Variants in CPQ observed in about 807,000 individuals in gnomAD.
CPQ encodes the protein carboxypeptidase Q, also known as Ser-Met dipeptidase.
Under a neutral mutation model 45.7 loss-of-function variants are expected in CPQ, and 37 were observed. The ratio of observed to expected loss-of-function variants is 0.81; its 90% CI spans 0.62 to 1.07. The LOEUF is 1.07. CPQ is among the 50% of genes least tolerant of loss of function. The pLI is 0.00. For synonymous variants in CPQ, 186 were observed against 205.8 expected, an observed-to-expected ratio of 0.90 and a Z score of 0.82; for missense variants, 537 against 572.9, an observed-to-expected ratio of 0.94 and a Z score of 0.64.
At chr8:97,024,654 A>C (rs1809767863) in intron 5 of CPQ, among the ~76,000 whole-genome samples, 1 of 152,156 alleles carries the variant, frequency 6.6e-6, no homozygotes, top group Admixed American at 6.5e-5. Flanking sequence ...AATTTGCCCA[A>C]AGCAGAAAGA....
intron 6 of CPQ, among the ~76,000 whole-genome samples, chr8:97,058,540 T>G (rs1160271519): frequency 1.3e-5 from 2 of 152,162 alleles, no homozygotes; most frequent in Non-Finnish European, 2.9e-5. Context: ...ATTTAGTTGT[T>G]ACCTTTTGAA....
chr8:96,692,808 A>T (rs1809321840), intron 1 of CPQ, among the ~76,000 whole-genome samples: 1 of 152,168 alleles, frequency 6.6e-6, no homozygotes, highest in East Asian at 1.9e-4. Flanking sequence ...ATTCACAAGG[A>T]TCAAGACCGT....
intron 4 of CPQ, among the ~76,000 whole-genome samples, chr8:96,964,802 C>T (rs1813527335): frequency 6.6e-6 from 1 of 152,042 alleles, no homozygotes; most frequent in South Asian, 2.1e-4. Flanking sequence ...TGAAGTTATT[C>T]TATGCCTTCC....
At chr8:96,655,010 T>C (rs1341410534) in intron 1 of CPQ, among the ~76,000 whole-genome samples, 1 of 152,094 alleles carries the variant, frequency 6.6e-6, no homozygotes, top group Non-Finnish European at 1.5e-5. Context: ...TTCTCCTCAA[T>C]GATTTTTTAA....
At chr8:96,658,505 C>T (rs559483078) in intron 1 of CPQ, among the ~76,000 whole-genome samples, 16 of 152,294 alleles carry the variant, frequency 1.1e-4, no homozygotes, top group South Asian at 2.1e-4. Context: ...CCACCCCCTA[C>T]GGTGTCCATA....
intron 5 of CPQ, among the ~76,000 whole-genome samples, chr8:97,004,396 C>CA (rs1202925443): frequency 4.7e-5 from 7 of 150,148 alleles, no homozygotes; most frequent in Non-Finnish European, 7.4e-5. Flanking sequence ...AACAAAACAA[C>CA]AAAAAAACAG....
intron 1 of CPQ, among the ~76,000 whole-genome samples, chr8:96,682,263 A>G (rs1029701432): frequency 1.3e-5 from 2 of 152,166 alleles, no homozygotes; most frequent in African/African-American, 4.8e-5. Context: ...TAATTGAATC[A>G]CGAGAGTGGA....
chr8:96,845,447 T>C (rs1375000130), intron 3 of CPQ, among the ~76,000 whole-genome samples: 1 of 152,198 alleles, frequency 6.6e-6, no homozygotes, highest in Non-Finnish European at 1.5e-5. Flanking sequence ...GAGAACCAAT[T>C]AAACAGATAC....
chr8:96,842,309 C>T (rs1380431922), intron 3 of CPQ, among the ~76,000 whole-genome samples: 2 of 152,112 alleles, frequency 1.3e-5, no homozygotes, highest in East Asian at 1.9e-4. Flanking sequence ...TATCAAGCTT[C>T]ATTTAAATTG....
intron 7 of CPQ, among the ~76,000 whole-genome samples, chr8:97,070,848 TG>T (rs960323970): frequency 5.9e-5 from 9 of 152,170 alleles, no homozygotes; most frequent in Non-Finnish European, 1.0e-4. Context: ...TTCTCCTATA[TG>T]AGCTCCAGGT....
chr8:96,743,334 T>A (rs901673067), intron 1 of CPQ, among the ~76,000 whole-genome samples: 1 of 151,146 alleles, frequency 6.6e-6, no homozygotes, highest in African/African-American at 2.4e-5. Flanking sequence ...CATCAGCTCC[T>A]TTAAGCACTT....
At chr8:97,003,856 C>T (rs955403428) in intron 5 of CPQ, among the ~76,000 whole-genome samples, 5 of 152,206 alleles carry the variant, frequency 3.3e-5, no homozygotes. Context: ...TACTACTATA[C>T]GTTATTTTTT....
chr8:96,966,034 A>G lies in CPQ; in HGVS notation c.949A>G (p.Ile317Val). Residue 317 changes from isoleucine to valine, a missense_variant, in exon 5 of 8, where the codon ATT becomes GTT. Transcript: ENST00000220763. ...TATATCATGGGAAGCACTCTCACTT[A>G]TTAAAGATCTTGGTAAATATTTAGA... ...AFISWEALSL[I>V]KDLGLRPKRT... The G allele has an allele frequency of 1.9e-6, 3 of 1,610,812 alleles. No individual in the cohort carries two copies. In the South Asian group the frequency reaches 3.3e-5, roughly 18 times the overall value.
At position 97,109,774 on chromosome 8, in the gene CPQ, C is replaced by A. The variant is rs558131845; in HGVS notation, c.1256-33246C>A. 7.0e-4 allele frequency among the ~76,000 whole-genome samples: 107 copies of A among 152,180 alleles called. 1 individual carries two copies. The highest frequency in any genetic ancestry group is 2.4e-3 in the African/African-American group (101 of 41,520). ...TACTGCCTTACCCGCTGTTTTATGACCTCCGCCTCCCTTTCTGGCTTTACC... is the reference window on the plus strand; with the variant it reads ...TACTGCCTTACCCGCTGTTTTATGAACTCCGCCTCCCTTTCTGGCTTTACC... On this transcript the variant is annotated intron_variant, in intron 7 of 7. Coordinates refer to ENST00000220763, the MANE Select transcript of CPQ (RefSeq NM_016134.4).
chr8:97,020,968 C>G (rs1014310850), intron 5 of CPQ, among the ~76,000 whole-genome samples: 1 of 152,082 alleles, frequency 6.6e-6, no homozygotes, highest in African/African-American at 2.4e-5. Context: ...ATGCTAAAAT[C>G]CTTAATAAAA....
chr8:96,908,747 G>GCGCGCGCGCACACACA (rs149476038), intron 4 of CPQ, among the ~76,000 whole-genome samples: 5 of 140,918 alleles, frequency 3.5e-5, no homozygotes, highest in African/African-American at 1.3e-4. Flanking sequence ...ATACACATGC[G>GCGCGCGCGCACACACA]CACACACACA....
chr8:96,866,443 AAT>A (rs1354983994), intron 3 of CPQ, among the ~76,000 whole-genome samples: 15 of 152,076 alleles, frequency 9.9e-5, no homozygotes, highest in African/African-American at 3.6e-4. Flanking sequence ...AACTAGGAAA[AAT>A]AGTTTTTAAA....
intron 1 of CPQ, among the ~76,000 whole-genome samples, chr8:96,752,217 G>A (rs1182039770): frequency 6.6e-6 from 1 of 152,068 alleles, no homozygotes; most frequent in Non-Finnish European, 1.5e-5. Context: ...AATTAGTTTG[G>A]GCAGTATGAC....
At chr8:96,771,119 A>C (rs1810538821) in intron 1 of CPQ, among the ~76,000 whole-genome samples, 2 of 146,982 alleles carry the variant, frequency 1.4e-5, no homozygotes, top group African/African-American at 4.9e-5. Context: ...ATATATTTAT[A>C]TATTTTAATG....
Sources: allele counts gnomAD v4.1 joint callset (sites outside exome capture counted in the v4.1 genomes callset), GRCh38; gene constraint gnomAD v4.1.1; transcripts MANE v1.5; gene names NCBI Gene and HGNC (gene_info 2026-07-23, HGNC 2026-07-21).